Variants in NDUFA5 observed in about 807,000 individuals in gnomAD.
The protein encoded by NDUFA5 is NADH dehydrogenase [ubiquinone] 1 alpha subcomplex subunit 5.
A neutral mutation model predicts 19.8 loss-of-function variants in NDUFA5; 11 were observed. The ratio of observed to expected loss-of-function variants is 0.56; its 90% CI spans 0.35 to 0.92. The LOEUF is 0.92. Among genes scored for constraint, NDUFA5 ranks in the 40% least tolerant of loss-of-function variants. The pLI is 0.01. For synonymous variants in NDUFA5, 47 were observed against 46.8 expected (o/e 1.00, Z -0.01); for missense variants, 109 against 134.2 (o/e 0.81, Z 0.93).
At chr7:123,590,459 T>C in the NDUFA5 span, among the ~76,000 whole-genome samples, 1 of 152,184 alleles carries the variant, frequency 6.6e-6, no homozygotes, top group Non-Finnish European at 1.5e-5. Flanking sequence ...TTTTAGGTCT[T>C]ACATTTAAGT....
chr7:123,559,401 T>A (rs761841677), upstream of NDUFA5, among the ~76,000 whole-genome samples: 1 of 151,056 alleles, frequency 6.6e-6, no homozygotes, highest in Non-Finnish European at 1.5e-5. Context: ...AGAATAACAC[T>A]TAAGAAACTA....
At chr7:123,546,095 G>T (rs541598825) in intron 3 of NDUFA5, among the ~76,000 whole-genome samples, 1 of 152,198 alleles carries the variant, frequency 6.6e-6, no homozygotes, top group African/African-American at 2.4e-5. Context: ...AAACATGTTT[G>T]AGAATATTCA....
chr7:123,577,417 ATATAAC>A, the NDUFA5 span, among the ~76,000 whole-genome samples: 1 of 152,188 alleles, frequency 6.6e-6, no homozygotes. Flanking sequence ...AGCTGTTAGA[ATATAAC>A]AATCACATTT....
At chr7:123,556,885 A>T (rs750739364) in intron 2 of NDUFA5, 4 of 514,174 alleles carry the variant, frequency 7.8e-6, no homozygotes, top group Non-Finnish European at 1.5e-5. Flanking sequence ...AAATAGAGAT[A>T]ACTCTTTTGA....
In NDUFA5 at chr7:123,551,132, G is replaced by C. The variant is rs180931357; in HGVS notation, c.67-546C>G. On this transcript the variant is annotated intron_variant, in intron 2 of 4. Coordinates refer to ENST00000355749, the MANE Select transcript of NDUFA5 (RefSeq NM_005000.5). ...GGGGTTTTGCCATGTTGGCCAGACT[G>C]GTCAGAAACAAAACAACTTATTGCT... is the stretch of plus-strand genomic sequence containing the variant. Among the ~76,000 whole-genome samples, 9 of 151,182 alleles carry C rather than the reference G, an allele frequency of 6.0e-5. No homozygotes were observed. The East Asian group carries it at 1.8e-3, about 29-fold the overall frequency.
the NDUFA5 span, among the ~76,000 whole-genome samples, chr7:123,597,952 G>GTGTT: frequency 3.0e-3 from 459 of 151,808 alleles, 1 homozygote; most frequent in Non-Finnish European, 5.5e-3. Context: ...GTGTGTGTGT[G>GTGTT]TGTGTGTGTC....
At chr7:123,554,232 CA>C (rs1798456421) in intron 2 of NDUFA5, among the ~76,000 whole-genome samples, 1 of 151,922 alleles carries the variant, frequency 6.6e-6, no homozygotes, top group South Asian at 2.1e-4. Context: ...ACTGAAATGG[CA>C]ATATTTTAGA....
At chr7:123,557,698 A>G (rs1256933531) in intron 1 of NDUFA5, 77 bp downstream of exon 1, 181 of 1,613,602 alleles carry the variant, frequency 1.1e-4, no homozygotes, top group Non-Finnish European at 1.4e-4. Context: ...AGGGGTCAAC[A>G]CCCGCGGGAA....
chr7:123,597,104 C>T, the NDUFA5 span, among the ~76,000 whole-genome samples: 12 of 152,140 alleles, frequency 7.9e-5, no homozygotes, highest in African/African-American at 1.2e-4. Context: ...AAATATTAAA[C>T]GAAAAATCCT....
intron 4 of NDUFA5, among the ~76,000 whole-genome samples, chr7:123,543,043 TAC>T (rs1210329230): frequency 6.6e-5 from 10 of 152,160 alleles, no homozygotes; most frequent in African/African-American, 2.4e-4. Flanking sequence ...TAATTATTAT[TAC>T]ACAGTTAAAA....
chr7:123,559,250 A>G (rs1427328964), upstream of NDUFA5, among the ~76,000 whole-genome samples: 1 of 151,828 alleles, frequency 6.6e-6, no homozygotes, highest in Non-Finnish European at 1.5e-5. Flanking sequence ...ACCTAAATCA[A>G]CTCAAGAAGG....
intron 3 of NDUFA5, 23 bp downstream of exon 3, chr7:123,550,447 A>C (rs760598913): frequency 8.2e-6 from 5 of 609,014 alleles, no homozygotes; most frequent in East Asian, 7.7e-5. Context: ...ACACAAGACA[A>C]CAAAACTGAC....
rs1213084596 is a variant in NDUFA5 at position 123,542,180 on chromosome 7, C to T, written c.290G>A (p.Trp97Ter). The T allele has an allele frequency of 3.1e-6, 5 of 1,611,074 alleles. No individual in the cohort carries two copies. Among genetic ancestry groups the T allele is most frequent in the Non-Finnish European group, 3.4e-6 (4 of 1,178,664 alleles). ...TTCCACTAATGGCTCCCATAGTTTC[C>T]ATTCCCTCATTTTTCTTGCCAGATT... The part of the protein sequence containing the change: ...ELNLARKMRE[W>*]KLWEPLVEEP... The change falls in exon 5 of 5, where the codon TGG becomes TAG. Residue 97 changes from tryptophan to a stop codon, truncating the protein, a stop_gained. Transcript: ENST00000355749. LOFTEE classifies it high-confidence loss of function.
upstream of NDUFA5, among the ~76,000 whole-genome samples, chr7:123,558,564 G>A (rs143774576): frequency 2.3e-3 from 353 of 152,202 alleles, no homozygotes; most frequent in African/African-American, 8.2e-3. Flanking sequence ...ATGGTACCAG[G>A]GAAAAGGAAA....
At chr7:123,549,572 C>T (rs1217875665) in intron 3 of NDUFA5, among the ~76,000 whole-genome samples, 1 of 152,060 alleles carries the variant, frequency 6.6e-6, no homozygotes, top group Non-Finnish European at 1.5e-5. Flanking sequence ...AAGCCAGGAG[C>T]TTGAGATCAG....
At chr7:123,597,280 T>C in the NDUFA5 span, among the ~76,000 whole-genome samples, 1 of 152,206 alleles carries the variant, frequency 6.6e-6, no homozygotes, top group Non-Finnish European at 1.5e-5. Context: ...GTTTTCCTGA[T>C]TGTCAGATCA....
chr7:123,545,740 T>C lies in NDUFA5; in HGVS notation c.184-64A>G, dbSNP rs929355258. The C allele has an allele frequency of 3.7e-5, 39 of 1,044,872 alleles. No individual in the cohort carries two copies. In the African/African-American group the frequency reaches 4.2e-4, roughly 11 times the overall value. The allele number at this position is 1,044,872 out of a possible 1,614,324, so 64.7% of individuals were successfully genotyped here. Reference sequence around the variant, plus strand: ...TAACTGAATGTTTCAATATCCTATATATTTTAAAATTCCTATATAAAAACA... The same window carrying C: ...TAACTGAATGTTTCAATATCCTATACATTTTAAAATTCCTATATAAAAACA... On this transcript the variant is annotated intron_variant, in intron 3 of 4. Coordinates refer to ENST00000355749, the MANE Select transcript of NDUFA5 (RefSeq NM_005000.5).
chr7:123,542,774 G>C (rs1263230796), intron 4 of NDUFA5, among the ~76,000 whole-genome samples: 1 of 151,996 alleles, frequency 6.6e-6, no homozygotes, highest in Non-Finnish European at 1.5e-5. Context: ...ATGGAATGTA[G>C]AACACAATAC....
the NDUFA5 span, among the ~76,000 whole-genome samples, chr7:123,589,940 T>C: frequency 2.6e-5 from 4 of 152,174 alleles, no homozygotes; most frequent in South Asian, 2.1e-4. Context: ...CCACCAACAG[T>C]GTAAAAGCGT....
Sources: gnomAD v4.1 joint callset for allele counts (sites outside exome capture counted in the v4.1 genomes callset) on GRCh38, gnomAD v4.1.1 for gene constraint, MANE v1.5 for transcripts, NCBI Gene and HGNC (gene_info 2026-07-23, HGNC 2026-07-21) for gene names.